Variants in ATP9A observed in about 807,000 individuals in gnomAD.
ATP9A encodes the protein probable phospholipid-transporting ATPase IIA.
In ATP9A, 52 loss-of-function variants were observed where a neutral mutation model predicts 144.1. The observed-to-expected ratio is 0.36, with a 90% CI of 0.29 to 0.45. ATP9A has a LOEUF of 0.45. ATP9A is among the 20% of genes least tolerant of loss of function. ATP9A has a pLI of 1.00. For missense variants in ATP9A, 947 were observed against 1,392.7 expected, an observed-to-expected ratio of 0.68 and a Z score of 5.09; for synonymous variants, 582 against 557.4, an observed-to-expected ratio of 1.04 and a Z score of -0.62.
chr20:51,692,076 T>C (rs985969591), intron 7 of ATP9A, among the ~76,000 whole-genome samples: 1 of 152,186 alleles, frequency 6.6e-6, no homozygotes, highest in Non-Finnish European at 1.5e-5. Context: ...AGAAAGATGC[T>C]TGCCAGGGGC....
rs2077120756 is a variant in ATP9A at position 51,596,652 on chromosome 20, G to GA, written c.*4558dup. On this transcript the variant is annotated 3_prime_UTR_variant, in exon 28 of 28. Coordinates refer to ENST00000338821, the MANE Select transcript of ATP9A (RefSeq NM_006045.3). ...AAAATCAAAATAATTTTCTGAACTG[G>GA]AAAGAGTTTTCTTTACATTTCATGT... The GA allele has an allele frequency of 6.6e-6, 1 of 151,896 alleles. No homozygotes were observed. Among genetic ancestry groups the GA allele is most frequent in the Non-Finnish European group, 1.5e-5 (1 of 68,014 alleles). 9.4% of individuals were successfully genotyped at this position (151,896 alleles called of 1,614,324 possible). A position where few individuals can be genotyped will look rare whatever the true frequency, so the allele number is the denominator to read the frequency against.
At chr20:51,622,770 T>G (rs1001521260) in intron 18 of ATP9A, among the ~76,000 whole-genome samples, 1 of 152,170 alleles carries the variant, frequency 6.6e-6, no homozygotes, top group Non-Finnish European at 1.5e-5. Context: ...AGGCCCAGAA[T>G]CCGGGTCTTT....
At chr20:51,660,923 G>A (rs2077407955) in intron 13 of ATP9A, among the ~76,000 whole-genome samples, 1 of 152,164 alleles carries the variant, frequency 6.6e-6, no homozygotes, top group Non-Finnish European at 1.5e-5. Context: ...GACTCTTTTT[G>A]CCCTGGGGAA....
intron 4 of ATP9A, among the ~76,000 whole-genome samples, chr20:51,702,403 T>TGC (rs2077597957): frequency 6.8e-6 from 1 of 147,268 alleles, no homozygotes; most frequent in Non-Finnish European, 1.5e-5. Context: ...TGTGTGTGTG[T>TGC]GCATGTAATG....
chr20:51,723,415 A>T (rs1056916576), intron 3 of ATP9A, among the ~76,000 whole-genome samples: 3 of 150,196 alleles, frequency 2.0e-5, no homozygotes, highest in African/African-American at 7.3e-5. Context: ...AAAATGAATT[A>T]AAAAAAAAAT....
intron 1 of ATP9A, among the ~76,000 whole-genome samples, chr20:51,733,933 C>A (rs1415981599): frequency 6.6e-6 from 1 of 151,838 alleles, no homozygotes; most frequent in Admixed American, 6.6e-5. Flanking sequence ...CTTTGCCTCC[C>A]AAAGTGGTGG....
chr20:51,641,624 G>A (rs1336250018), intron 14 of ATP9A, among the ~76,000 whole-genome samples: 6 of 151,270 alleles, frequency 4.0e-5, no homozygotes, highest in African/African-American at 1.5e-4. Context: ...AGACCAGCCT[G>A]GCCAACATAG....
intron 19 of ATP9A, among the ~76,000 whole-genome samples, chr20:51,620,678 G>A (rs927419947): frequency 6.6e-6 from 1 of 152,070 alleles, no homozygotes; most frequent in Non-Finnish European, 1.5e-5. Context: ...AAGAAGCGCT[G>A]TGTGCGGCCA....
intron 18 of ATP9A, 91 bp from the exon 19 acceptor site, chr20:51,622,263 G>C: frequency 9.6e-7 from 1 of 1,038,346 alleles, no homozygotes; most frequent in Non-Finnish European, 1.5e-6. Context: ...ACATGGAGCT[G>C]AACTTGGTAT....
At chr20:51,642,681 A>AT (rs1193013222) in intron 14 of ATP9A, among the ~76,000 whole-genome samples, 5 of 133,816 alleles carry the variant, frequency 3.7e-5, no homozygotes, top group Non-Finnish European at 7.7e-5. Context: ...AGCTGAAACC[A>AT]TGCCACTGCA....
intron 9 of ATP9A, among the ~76,000 whole-genome samples, chr20:51,684,312 C>T (rs1325233395): frequency 6.6e-6 from 1 of 152,210 alleles, no homozygotes; most frequent in African/African-American, 2.4e-5. Context: ...ATTCTTATGA[C>T]ATAAACAATT....
intron 4 of ATP9A, among the ~76,000 whole-genome samples, chr20:51,707,688 T>C (rs1220306018): frequency 6.6e-6 from 1 of 152,126 alleles, no homozygotes; most frequent in Non-Finnish European, 1.5e-5. Flanking sequence ...AAAAGGGACA[T>C]TCCTTATGAG....
At chr20:51,754,546 C>T (rs560231630) in intron 1 of ATP9A, among the ~76,000 whole-genome samples, 37 of 152,044 alleles carry the variant, frequency 2.4e-4, no homozygotes, top group Non-Finnish European at 4.1e-4. Context: ...GGCATGGTGG[C>T]ACAGGCCTGT....
intron 3 of ATP9A, among the ~76,000 whole-genome samples, chr20:51,721,975 C>T (rs750729738): frequency 6.6e-6 from 1 of 151,994 alleles, no homozygotes; most frequent in Non-Finnish European, 1.5e-5. Context: ...CAGCATGGTA[C>T]TGGTATAAAA....
intron 1 of ATP9A, among the ~76,000 whole-genome samples, chr20:51,761,363 A>G (rs899623883): frequency 6.6e-6 from 1 of 152,170 alleles, no homozygotes; most frequent in Non-Finnish European, 1.5e-5. Flanking sequence ...TCCTGTCTAG[A>G]TTCCAGTCCC....
chr20:51,754,707 T>C (rs1454581392), intron 1 of ATP9A, among the ~76,000 whole-genome samples: 7 of 149,718 alleles, frequency 4.7e-5, no homozygotes, highest in African/African-American at 1.7e-4. Context: ...TACTAGCTAG[T>C]AGGAAGGCTG....
At chr20:51,717,291 C>T (rs958550149) in intron 3 of ATP9A, among the ~76,000 whole-genome samples, 1 of 151,746 alleles carries the variant, frequency 6.6e-6, no homozygotes, top group African/African-American at 2.4e-5. Context: ...GGCTAGAAGA[C>T]GTTTCAAAAT....
intron 3 of ATP9A, among the ~76,000 whole-genome samples, chr20:51,721,182 C>T (rs1267071831): frequency 6.6e-6 from 1 of 152,260 alleles, no homozygotes; most frequent in Non-Finnish European, 1.5e-5. Flanking sequence ...GGTCCCTGAG[C>T]ATCTGGCTTC....
intron 15 of ATP9A, among the ~76,000 whole-genome samples, chr20:51,630,137 G>A (rs1441255049): frequency 6.6e-6 from 1 of 152,156 alleles, no homozygotes; most frequent in Non-Finnish European, 1.5e-5. Context: ...CACACAGGAC[G>A]CCCCCAACCA....
Sources: gnomAD v4.1 joint callset for allele counts (sites outside exome capture counted in the v4.1 genomes callset) on GRCh38, gnomAD v4.1.1 for gene constraint, MANE v1.5 for transcripts, NCBI Gene and HGNC (gene_info 2026-07-23, HGNC 2026-07-21) for gene names.